Variants in C11orf65 observed in about 807,000 individuals in gnomAD.
C11orf65 encodes the protein chromosome 11 open reading frame 65.
A neutral mutation model predicts 35.3 loss-of-function variants in C11orf65; 38 were observed. The ratio of observed to expected loss-of-function variants is 1.08; its 90% CI spans 0.83 to 1.41. The LOEUF is 1.41. C11orf65 is among the 40% of genes most tolerant of loss of function. The probability of loss-of-function intolerance (pLI) is 0.00; values close to 1 mark genes in which losing one functional copy is unlikely to be tolerated. For missense variants in C11orf65, 370 were observed against 367.1 expected, an observed-to-expected ratio of 1.01 and a Z score of -0.06; for synonymous variants, 105 against 114.4, an observed-to-expected ratio of 0.92 and a Z score of 0.53.
In C11orf65 at chr11:108,331,625, G is replaced by C. The variant is rs1397027269; in HGVS notation, c.300-58C>G. On this transcript the variant is annotated intron_variant, in intron 3 of 3. Coordinates refer to the C11orf65 transcript ENST00000524755. ...CTATTATTACTATATATTATATAAA[G>C]TATATATACCATTCCCTCTAAGAAA... is the stretch of plus-strand genomic sequence containing the variant. The C allele has an allele frequency of 1.1e-5, 16 of 1,431,930 alleles. No individual in the cohort carries two copies. The East Asian group carries it at 3.9e-4, about 35-fold the overall frequency. The allele number at this position is 1,431,930 out of a possible 1,614,324, so 88.7% of individuals were successfully genotyped here.
At chr11:108,327,888 A>G (rs2085844045), downstream of C11orf65, 1 of 792,964 alleles carries the variant, frequency 1.3e-6, no homozygotes, top group Non-Finnish European at 2.1e-6. Context: ...TTACTGTTGT[A>G]GCTCTGTATA....
chr11:108,446,070 G>A (rs556516242), intron 2 of C11orf65, among the ~76,000 whole-genome samples: 1 of 152,166 alleles, frequency 6.6e-6, no homozygotes, highest in South Asian at 2.1e-4. Context: ...AGTGAGAAGG[G>A]AAGTTTAGAG....
intron 2 of C11orf65, among the ~76,000 whole-genome samples, chr11:108,443,902 T>TA (rs2093205118): frequency 6.6e-6 from 1 of 151,106 alleles, no homozygotes; most frequent in South Asian, 2.1e-4. Flanking sequence ...ACATCACAAT[T>TA]AAAAGAACTA....
intron 2 of C11orf65, among the ~76,000 whole-genome samples, chr11:108,372,716 A>C (rs2091605491): frequency 1.3e-5 from 2 of 152,238 alleles, no homozygotes; most frequent in African/African-American, 4.8e-5. Flanking sequence ...AAATGATACC[A>C]ATTCTACAAA....
rs532296063 is a variant in C11orf65 at position 108,364,292 on chromosome 11, A to G, written c.226+28916T>C. ...TATATTGTCTCCACTTATTACTAAG[A>G]TTTGTAAGCATTTGCTAAAGCCTAT... On this transcript the variant is annotated intron_variant, in intron 2 of 3. Transcript: ENST00000524755. 7.1e-4 allele frequency among the ~76,000 whole-genome samples: 108 copies of G among 152,300 alleles called. 1 individual carries two copies. The highest frequency in any genetic ancestry group is 2.4e-3 in the African/African-American group (101 of 41,564).
intron 7 of C11orf65, 71 bp downstream of exon 7, chr11:108,393,137 G>T: frequency 6.9e-7 from 1 of 1,450,356 alleles, no homozygotes; most frequent in South Asian, 1.5e-5. Context: ...GATTCAACAA[G>T]GAAATAGGAA....
At chr11:108,398,840 T>G (rs968457631) in intron 6 of C11orf65, among the ~76,000 whole-genome samples, 2 of 152,236 alleles carry the variant, frequency 1.3e-5, no homozygotes, top group African/African-American at 4.8e-5. Flanking sequence ...ATGAGAGGTG[T>G]TGTTGCCAGA....
chr11:108,434,335 T>A (rs1177048635), intron 2 of C11orf65, among the ~76,000 whole-genome samples: 1 of 151,838 alleles, frequency 6.6e-6, no homozygotes, highest in African/African-American at 2.4e-5. Flanking sequence ...TGAAACCACA[T>A]CTCTACTAAA....
intron 2 of C11orf65, among the ~76,000 whole-genome samples, chr11:108,335,527 G>A (rs1440926733): frequency 2.0e-5 from 3 of 152,138 alleles, no homozygotes; most frequent in East Asian, 3.8e-4. Context: ...ATTTGCTGAC[G>A]AGCTCTTTGG....
chr11:108,459,518 C>T (rs915729980), intron 2 of C11orf65, among the ~76,000 whole-genome samples: 17 of 152,136 alleles, frequency 1.1e-4, no homozygotes, highest in African/African-American at 3.9e-4. Flanking sequence ...AAACCAATTC[C>T]CTCATTGGAA....
At chr11:108,354,639 T>C (rs2089657313) in intron 2 of C11orf65, among the ~76,000 whole-genome samples, 1 of 152,216 alleles carries the variant, frequency 6.6e-6, no homozygotes, top group African/African-American at 2.4e-5. Flanking sequence ...TTGTATTCAT[T>C]TCAAACGTCT....
chr11:108,397,831 G>T (rs576791772), intron 6 of C11orf65, among the ~76,000 whole-genome samples: 1 of 152,274 alleles, frequency 6.6e-6, no homozygotes, highest in South Asian at 2.1e-4. Context: ...CATGAACTAA[G>T]TCTGAGATCC....
intron 6 of C11orf65, among the ~76,000 whole-genome samples, chr11:108,404,341 T>C (rs2092497146): frequency 6.6e-6 from 1 of 152,190 alleles, no homozygotes; most frequent in African/African-American, 2.4e-5. Flanking sequence ...GCAAAATAAA[T>C]GTTGCTGTGA....
chr11:108,444,479 T>A (rs1230629711), intron 2 of C11orf65, among the ~76,000 whole-genome samples: 1 of 152,054 alleles, frequency 6.6e-6, no homozygotes, highest in Non-Finnish European at 1.5e-5. Context: ...GAGGCCAACA[T>A]CATCCTGACA....
chr11:108,406,338 G>T (rs1293719891), intron 5 of C11orf65, among the ~76,000 whole-genome samples: 2 of 152,078 alleles, frequency 1.3e-5, no homozygotes, highest in Non-Finnish European at 2.9e-5. Flanking sequence ...TTGTTAGTTT[G>T]TTTTTTGAGA....
chr11:108,437,597 G>A (rs192014273), intron 2 of C11orf65, among the ~76,000 whole-genome samples: 3 of 150,520 alleles, frequency 2.0e-5, no homozygotes, highest in East Asian at 4.0e-4. Flanking sequence ...CCAGCTACTC[G>A]GGAGGCTGAG....
intron 2 of C11orf65, chr11:108,343,116 T>C: frequency 7.1e-7 from 1 of 1,415,710 alleles, no homozygotes; most frequent in Non-Finnish European, 1.0e-6. Flanking sequence ...GAAATATTAA[T>C]ACAACTTGAA....
At position 108,365,237 on chromosome 11, in the gene C11orf65, A is replaced by G. The variant is rs1403885730; in HGVS notation, c.226+27971T>C. The G allele has an allele frequency of 6.2e-7, 1 of 1,614,112 alleles. No individual in the cohort carries two copies. The highest frequency in any genetic ancestry group is 1.3e-5 in the African/African-American group (1 of 74,948). On this transcript the variant is annotated intron_variant, in intron 2 of 3. Transcript: ENST00000524755. Reference sequence around the variant, plus strand: ...ATCTCAGGTGAGCAGTATTTTAAGAAGGTCCTGTTGTCAGTTTTTCAGATT... The same window carrying G: ...ATCTCAGGTGAGCAGTATTTTAAGAGGGTCCTGTTGTCAGTTTTTCAGATT...
intron 2 of C11orf65, among the ~76,000 whole-genome samples, chr11:108,448,411 C>A (rs2093297169): frequency 6.6e-6 from 1 of 152,162 alleles, no homozygotes; most frequent in Non-Finnish European, 1.5e-5. Context: ...CCAAATCCAG[C>A]AGCACATCAA....
Sources: gnomAD v4.1 joint callset for allele counts (sites outside exome capture counted in the v4.1 genomes callset) on GRCh38, gnomAD v4.1.1 for gene constraint, MANE v1.5 for transcripts, NCBI Gene and HGNC (gene_info 2026-07-23, HGNC 2026-07-21) for gene names.